Variants in DGKB observed in about 807,000 individuals in gnomAD.
DGKB encodes 90 kDa diacylglycerol kinase.
DGKB carries 67 observed loss-of-function variants against 114.3 expected under a neutral mutation model. That is an observed-to-expected ratio of 0.59 (90% confidence interval 0.48 to 0.72). The LOEUF (loss-of-function observed/expected upper bound fraction) is 0.72. DGKB is among the 30% of genes least tolerant of loss of function. DGKB has a pLI of 0.00. For missense variants in DGKB, 907 were observed against 975.2 expected (o/e 0.93, Z 0.93); for synonymous variants, 398 against 323.1 (o/e 1.23, Z -2.49).
chr7:14,558,813 G>A (rs188908282), intron 20 of DGKB, among the ~76,000 whole-genome samples: 43 of 152,242 alleles, frequency 2.8e-4, no homozygotes, highest in Non-Finnish European at 5.3e-4. Context: ...CAGATCTGCT[G>A]CTTTCCAGTC....
rs1319688779 is a variant in DGKB, at chr7:14,520,208, C to CTTTTTTTTT, written c.1771-41984_1771-41983insAAAAAAAAA. Among the ~76,000 whole-genome samples, 371 of 89,048 alleles carry CTTTTTTTTT rather than the reference C, an allele frequency of 4.2e-3. 2 individuals carry two copies. Among genetic ancestry groups the CTTTTTTTTT allele is most frequent in the South Asian group, 9.9e-3 (25 of 2,516 alleles). 58.4% of individuals were successfully genotyped at this position (89,048 alleles called of 152,430 possible). ...GTATTATTGACTTTTATCTTTTTTC[C>CTTTTTTTTT]TATTTTTTTTTTTTTTTTGCAGGAG... On this transcript the variant is annotated intron_variant, in intron 20 of 25. Transcript: ENST00000402815.
At chr7:14,280,833 C>A (rs966777144) in intron 23 of DGKB, among the ~76,000 whole-genome samples, 47 of 151,394 alleles carry the variant, frequency 3.1e-4, no homozygotes, top group African/African-American at 1.1e-3. Context: ...CACCACCAGG[C>A]CTGCCCTAAA....
At chr7:14,397,015 C>A (rs1265080082) in intron 21 of DGKB, among the ~76,000 whole-genome samples, 1 of 151,566 alleles carries the variant, frequency 6.6e-6, no homozygotes, top group African/African-American at 2.4e-5. Flanking sequence ...TAAATTATTC[C>A]GGTCAATAAG....
chr7:14,446,419 G>A (rs1483723708), intron 21 of DGKB, among the ~76,000 whole-genome samples: 1 of 152,002 alleles, frequency 6.6e-6, no homozygotes, highest in Admixed American at 6.6e-5. Flanking sequence ...ATACAATAGG[G>A]CAAAGAGCAG....
intron 5 of DGKB, among the ~76,000 whole-genome samples, chr7:14,731,739 G>A (rs1244562082): frequency 6.6e-6 from 1 of 152,108 alleles, no homozygotes; most frequent in East Asian, 1.9e-4. Context: ...TTTTAAAAGT[G>A]TATAAAGAAG....
intron 23 of DGKB, among the ~76,000 whole-genome samples, chr7:14,180,643 T>A (rs539696845): frequency 6.6e-6 from 1 of 152,284 alleles, no homozygotes; most frequent in East Asian, 1.9e-4. Context: ...ACTCTAAATT[T>A]GTGTTGCACG....
At chr7:14,634,067 A>T (rs947906033) in intron 13 of DGKB, among the ~76,000 whole-genome samples, 2 of 151,508 alleles carry the variant, frequency 1.3e-5, no homozygotes, top group East Asian at 3.9e-4. Flanking sequence ...CAGTACTCAC[A>T]TTAAAAGGGT....
intron 13 of DGKB, among the ~76,000 whole-genome samples, chr7:14,653,014 G>A (rs1428561059): frequency 2.0e-5 from 3 of 151,584 alleles, no homozygotes. Flanking sequence ...AACAGGTGCT[G>A]GAGTGGATGT....
intron 1 of DGKB, among the ~76,000 whole-genome samples, chr7:14,888,149 T>C (rs1402229808): frequency 6.6e-6 from 1 of 151,666 alleles, no homozygotes; most frequent in Non-Finnish European, 1.5e-5. Context: ...AGAAGGAAAA[T>C]ATATTTAATA....
At chr7:14,938,208 G>A (rs58906119) in intron 1 of DGKB, among the ~76,000 whole-genome samples, 21,730 of 152,150 alleles carry the variant, frequency 0.14, 1,628 homozygotes, top group Admixed American at 0.2. Flanking sequence ...CCTAGTCTCA[G>A]AACACACAAA....
intron 21 of DGKB, among the ~76,000 whole-genome samples, chr7:14,358,279 C>G (rs185752039): frequency 6.6e-6 from 1 of 152,136 alleles, no homozygotes; most frequent in African/African-American, 2.4e-5. Flanking sequence ...TTCTTGGAGG[C>G]TTTGTTCATT....
intron 1 of DGKB, among the ~76,000 whole-genome samples, chr7:14,860,272 T>G (rs547115649): frequency 6.6e-6 from 1 of 152,244 alleles, no homozygotes; most frequent in Admixed American, 6.5e-5. Context: ...ATTTCAAATC[T>G]ATAAAGAAGT....
chr7:14,238,134 T>C (rs966678688), intron 23 of DGKB, among the ~76,000 whole-genome samples: 6 of 152,070 alleles, frequency 3.9e-5, no homozygotes, highest in Admixed American at 1.3e-4. Context: ...CTGTTTGATA[T>C]GGTTTGGCTC....
rs183668383 is a variant in DGKB, at chr7:14,782,007, A to T, written c.71-24276T>A. Reference sequence around the variant, plus strand: ...GGCCAAAAGTAGAAAGCATTTTTTTAAAAAAAATAATTGATGGAATTATTT... The same window carrying T: ...GGCCAAAAGTAGAAAGCATTTTTTTTAAAAAAATAATTGATGGAATTATTT... On this transcript the variant is annotated intron_variant, in intron 2 of 25. Coordinates refer to ENST00000402815, the MANE Select transcript of DGKB (RefSeq NM_001350709.2). 2.1e-3 allele frequency among the ~76,000 whole-genome samples: 326 copies of T among 151,926 alleles called. 1 individual carries two copies. The highest frequency in any genetic ancestry group is 1.0e-2 in the South Asian group (48 of 4,802).
chr7:14,685,506 G>T, intron 9 of DGKB, 144 bp from the exon 10 acceptor site: 2 of 630,152 alleles, frequency 3.2e-6, no homozygotes, highest in East Asian at 2.8e-5. Flanking sequence ...TCACCGCAGA[G>T]CCTTTAGAAA....
intron 1 of DGKB, among the ~76,000 whole-genome samples, chr7:14,901,147 C>T (rs1398530295): frequency 6.6e-6 from 1 of 152,064 alleles, no homozygotes; most frequent in Admixed American, 6.6e-5. Context: ...TTGGGCACTC[C>T]AACAATGCCA....
chr7:14,826,306 G>C (rs1188152976), intron 2 of DGKB, among the ~76,000 whole-genome samples: 1 of 152,036 alleles, frequency 6.6e-6, no homozygotes, highest in Non-Finnish European at 1.5e-5. Context: ...CCGTCAATCA[G>C]AACTATCTTA....
At chr7:14,750,789 A>ATTTTTTTTT (rs1833986870) in intron 4 of DGKB, among the ~76,000 whole-genome samples, 1 of 85,052 alleles carries the variant, frequency 1.2e-5, no homozygotes, top group Admixed American at 1.3e-4. Context: ...AGCTATTTCT[A>ATTTTTTTTT]TTTCTTTTTT....
intron 14 of DGKB, among the ~76,000 whole-genome samples, chr7:14,628,814 A>C (rs1171737513): frequency 6.6e-6 from 1 of 152,176 alleles, no homozygotes; most frequent in Non-Finnish European, 1.5e-5. Context: ...GAAAAATCTT[A>C]TATAATGACT....
Sources: gnomAD v4.1 joint callset for allele counts (sites outside exome capture counted in the v4.1 genomes callset) on GRCh38, gnomAD v4.1.1 for gene constraint, MANE v1.5 for transcripts, NCBI Gene and HGNC (gene_info 2026-07-23, HGNC 2026-07-21) for gene names.